PRKN: variants seen among roughly 807,000 people sequenced by gnomAD.
PRKN encodes parkin RBR E3 ubiquitin protein ligase, also known as E3 ubiquitin-protein ligase parkin.
Under a neutral mutation model 59.5 loss-of-function variants are expected in PRKN, and 56 were observed. The ratio of observed to expected loss-of-function variants is 0.94; its 90% CI spans 0.76 to 1.18. The LOEUF (loss-of-function observed/expected upper bound fraction) is 1.18, where lower values mean the gene tolerates loss of function less well. Among genes scored for constraint, PRKN ranks in the 50% most tolerant of loss-of-function variants. The probability of loss-of-function intolerance (pLI) is 0.00; values close to 1 mark genes in which losing one functional copy is unlikely to be tolerated. For synonymous variants in PRKN, 250 were observed against 222.1 expected, an observed-to-expected ratio of 1.13 and a Z score of -1.12; for missense variants, 657 against 596.4, an observed-to-expected ratio of 1.10 and a Z score of -1.06.
rs1045278217 is a variant in PRKN at position 161,488,110 on chromosome 6, G to T, written c.1083+60744C>A. Among the ~76,000 whole-genome samples, 3 of 152,216 alleles carry T rather than the reference G, an allele frequency of 2.0e-5. No individual in the cohort carries two copies. The highest frequency in any genetic ancestry group is 7.2e-5 in the African/African-American group (3 of 41,456). Reference sequence around the variant, plus strand: ...GTGAGATCGTGCAGTGGTTGGGGAAGGCATGGTCTAAGCAGGCCTCTCCTG... The same window carrying T: ...GTGAGATCGTGCAGTGGTTGGGGAATGCATGGTCTAAGCAGGCCTCTCCTG... On this transcript the variant is annotated intron_variant, in intron 9 of 11. Transcript: ENST00000366898. The surrounding 1 kb of genome is among the most constrained non-coding windows in gnomAD (Gnocchi z 4.5).
At chr6:161,938,429 A>G (rs994014225) in intron 6 of PRKN, among the ~76,000 whole-genome samples, 88 of 152,330 alleles carry the variant, frequency 5.8e-4, no homozygotes, top group African/African-American at 2.1e-3. Flanking sequence ...TTATAAAAAC[A>G]TTTGTGGTTT....
chr6:162,175,268 T>G (rs1387928124), intron 4 of PRKN, among the ~76,000 whole-genome samples: 4 of 152,148 alleles, frequency 2.6e-5, no homozygotes, highest in African/African-American at 9.7e-5. Flanking sequence ...ATCACGTAAC[T>G]TTTTAAAACA....
chr6:162,523,450 G>A (rs1471846717), intron 1 of PRKN, among the ~76,000 whole-genome samples: 5 of 152,080 alleles, frequency 3.3e-5, no homozygotes, highest in African/African-American at 7.2e-5. Context: ...ATCACCTGAG[G>A]TCAGGAGTTT....
Position 161,547,617 on chromosome 6 carries a change from A to T in PRKN, c.1083+1237T>A, listed in dbSNP as rs1779842633. 6.6e-6 allele frequency among the ~76,000 whole-genome samples: 1 copy of T among 152,234 alleles called. No individual in the cohort carries two copies. Among genetic ancestry groups the T allele is most frequent in the Non-Finnish European group, 1.5e-5 (1 of 68,042 alleles). ...CATAATTTAGCCAGTAGTTAAAAACAATTCATTAAAAGCTCATTTTAAAAG... is the reference window on the plus strand; with the variant it reads ...CATAATTTAGCCAGTAGTTAAAAACTATTCATTAAAAGCTCATTTTAAAAG... On this transcript the variant is annotated intron_variant, in intron 9 of 11. Coordinates refer to ENST00000366898, the MANE Select transcript of PRKN (RefSeq NM_004562.3). This position sits in a 1 kb window ranked among gnomAD's most constrained non-coding sequence, Gnocchi z 4.0.
chr6:162,330,862 G>C (rs1165041343), intron 2 of PRKN, among the ~76,000 whole-genome samples: 1 of 152,110 alleles, frequency 6.6e-6, no homozygotes, highest in Non-Finnish European at 1.5e-5. Flanking sequence ...TCAGGAACTC[G>C]TGTTGTGGAG....
intron 7 of PRKN, among the ~76,000 whole-genome samples, chr6:161,580,366 C>A (rs1275137803): frequency 1.3e-5 from 2 of 152,140 alleles, no homozygotes; most frequent in African/African-American, 2.4e-5. Context: ...CCTTGGTATG[C>A]GGCTCAGGTG....
chr6:161,828,785 T>G (rs1792352297), intron 6 of PRKN, among the ~76,000 whole-genome samples: 1 of 151,898 alleles, frequency 6.6e-6, no homozygotes. Flanking sequence ...AAAACATTAG[T>G]TGGGTCTGGT....
intron 1 of PRKN, among the ~76,000 whole-genome samples, chr6:162,564,722 A>T (rs898899952): frequency 1.3e-5 from 2 of 152,188 alleles, no homozygotes; most frequent in Non-Finnish European, 2.9e-5. Flanking sequence ...CTGAAGGAAA[A>T]ATCTTTTATC....
intron 9 of PRKN, among the ~76,000 whole-genome samples, chr6:161,427,550 C>G (rs1432924658): frequency 6.6e-6 from 1 of 152,134 alleles, no homozygotes; most frequent in African/African-American, 2.4e-5. Flanking sequence ...TTTCATAAGT[C>G]TATATCTTGT....
At chr6:161,586,153 C>T (rs540040947) in intron 7 of PRKN, among the ~76,000 whole-genome samples, 12 of 152,132 alleles carry the variant, frequency 7.9e-5, no homozygotes, top group South Asian at 2.1e-4. Context: ...GTAGCTAGGA[C>T]TGCAGGTATC....
Position 161,569,748 on chromosome 6 carries a change from A to T in PRKN, c.872-332T>A, listed in dbSNP as rs1306708588. Among the ~76,000 whole-genome samples, 5 of 152,176 alleles carry T rather than the reference A, an allele frequency of 3.3e-5. No individual in the cohort carries two copies. The South Asian group carries it at 6.2e-4, about 19-fold the overall frequency. On this transcript the variant is annotated intron_variant, in intron 7 of 11. Coordinates refer to ENST00000366898, the MANE Select transcript of PRKN (RefSeq NM_004562.3). ...TCAGCATGTCACTGGTTCCTCATATATAGCCAGGATTCCGCAGGGCCAGAG... is the reference window on the plus strand; with the variant it reads ...TCAGCATGTCACTGGTTCCTCATATTTAGCCAGGATTCCGCAGGGCCAGAG...
intron 6 of PRKN, among the ~76,000 whole-genome samples, chr6:161,938,442 G>C (rs1157448733): frequency 1.3e-5 from 2 of 152,156 alleles, no homozygotes; most frequent in Non-Finnish European, 2.9e-5. Context: ...TGTGGTTTTA[G>C]TAGTTACATT....
chr6:162,113,184 T>C (rs1195909963), intron 4 of PRKN, among the ~76,000 whole-genome samples: 1 of 152,156 alleles, frequency 6.6e-6, no homozygotes, highest in African/African-American at 2.4e-5. Flanking sequence ...CCATATGAAA[T>C]ATCATGTCTT....
Position 161,454,743 on chromosome 6 carries a change from C to A in PRKN, c.1084-67866G>T, listed in dbSNP as rs527715296. On this transcript the variant is annotated intron_variant, in intron 9 of 11. Coordinates refer to ENST00000366898, the MANE Select transcript of PRKN (RefSeq NM_004562.3). This position sits in a 1 kb window ranked among gnomAD's most constrained non-coding sequence, Gnocchi z 4.6. ...GAAGTCCCATTAGGTTGACTACTTT[C>A]TGGAGGCCAATTGCACTTAACTTGG... is the stretch of plus-strand genomic sequence containing the variant. 6.6e-6 allele frequency among the ~76,000 whole-genome samples: 1 copy of A among 152,274 alleles called. No individual in the cohort carries two copies. Among genetic ancestry groups the A allele is most frequent in the East Asian group, 1.9e-4 (1 of 5,150 alleles).
intron 5 of PRKN, among the ~76,000 whole-genome samples, chr6:162,014,847 C>G (rs1438988516): frequency 6.6e-6 from 1 of 151,976 alleles, no homozygotes; most frequent in Non-Finnish European, 1.5e-5. Context: ...TTAAATTACT[C>G]CACCTCAGTG....
chr6:161,501,002 A>G (rs1777943313), intron 9 of PRKN, among the ~76,000 whole-genome samples: 1 of 151,322 alleles, frequency 6.6e-6, no homozygotes, highest in Non-Finnish European at 1.5e-5. Context: ...CAGACTCCCA[A>G]GTAGCTGGGA....
intron 7 of PRKN, among the ~76,000 whole-genome samples, chr6:161,573,349 G>C (rs930753003): frequency 2.0e-5 from 3 of 151,906 alleles, no homozygotes; most frequent in Non-Finnish European, 4.4e-5. Flanking sequence ...TTTTTATTTG[G>C]GCCTTCTAGT....
intron 4 of PRKN, among the ~76,000 whole-genome samples, chr6:162,199,758 GA>G (rs1784642136): frequency 6.6e-6 from 1 of 152,150 alleles, no homozygotes. Flanking sequence ...TCATCAAAGT[GA>G]AACACTGAAT....
intron 4 of PRKN, among the ~76,000 whole-genome samples, chr6:162,191,732 C>T (rs577444624): frequency 2.0e-5 from 3 of 152,276 alleles, no homozygotes; most frequent in East Asian, 3.9e-4. Context: ...TGTGAGCCAC[C>T]GTGCCCGGCC....
Sources: allele counts gnomAD v4.1 joint callset (sites outside exome capture counted in the v4.1 genomes callset), GRCh38; gene constraint gnomAD v4.1.1; non-coding constraint Gnocchi (gnomAD v3.1); transcripts MANE v1.5; gene names NCBI Gene and HGNC (gene_info 2026-07-23, HGNC 2026-07-21).